UNC79: variants seen among roughly 807,000 people sequenced by gnomAD.
The protein encoded by UNC79 is protein unc-79 homolog.
In UNC79, 37 loss-of-function variants were observed where a neutral mutation model predicts 283.1. That is an observed-to-expected ratio of 0.13 (90% CI 0.10 to 0.17). The LOEUF (loss-of-function observed/expected upper bound fraction) is 0.17, where lower values mean the gene tolerates loss of function less well. Among genes scored for constraint, UNC79 ranks in the 10% least tolerant of loss-of-function variants. UNC79 has a pLI of 1.00. For synonymous variants in UNC79, 1,107 were observed against 1,200.2 expected (o/e 0.92, Z 1.61); for missense variants, 2,272 against 3,211.1 (o/e 0.71, Z 7.07).
chr14:93,629,427 A>G (rs767993153), intron 30 of UNC79, among the ~76,000 whole-genome samples: 28 of 152,210 alleles, frequency 1.8e-4, no homozygotes, highest in Non-Finnish European at 1.9e-4. Context: ...GAGAAAAATC[A>G]TAGCTGACCT....
Position 93,571,859 on chromosome 14 carries a change from A to G in UNC79, c.1756-35A>G. 3 of 1,612,264 alleles carry G rather than the reference A, an allele frequency of 1.9e-6. No individual in the cohort carries two copies. The South Asian group carries it at 3.3e-5, about 18-fold the overall frequency. On this transcript the variant is annotated intron_variant, in intron 14 of 48. Transcript: ENST00000555664. The stretch of plus-strand genomic sequence containing the variant: ...AGTATAATTGTAACCAGTGTGTTTC[A>G]TTCTTTTCCCCTGTGGCTATGGAAA...
chr14:93,344,184 A>G (rs534897108), intron 1 of UNC79, among the ~76,000 whole-genome samples: 2 of 152,282 alleles, frequency 1.3e-5, no homozygotes, highest in Non-Finnish European at 2.9e-5. Flanking sequence ...TTAGGATTAA[A>G]CCAGTCAAGC....
intron 38 of UNC79, among the ~76,000 whole-genome samples, 172 bp downstream of exon 41, chr14:93,655,579 AT>A (rs2140364592): frequency 6.6e-6 from 1 of 151,072 alleles, no homozygotes; most frequent in East Asian, 2.0e-4. Context: ...CTCTTAGAGA[AT>A]GACAGGAATG....
chr14:93,498,566 G>C (rs1053728579), intron 7 of UNC79, among the ~76,000 whole-genome samples: 1 of 152,040 alleles, frequency 6.6e-6, no homozygotes, highest in African/African-American at 2.4e-5. Flanking sequence ...ATTCCAGCCC[G>C]GGTGACAGAG....
At chr14:93,697,638 G>T (rs1047469314) in intron 47 of UNC79, among the ~76,000 whole-genome samples, 7 of 152,230 alleles carry the variant, frequency 4.6e-5, no homozygotes, top group Non-Finnish European at 2.9e-5. Flanking sequence ...GGACACAGTG[G>T]CTCATGCCTG....
intron 1 of UNC79, among the ~76,000 whole-genome samples, chr14:93,417,640 C>T: frequency 6.6e-6 from 1 of 152,172 alleles, no homozygotes; most frequent in African/African-American, 2.4e-5. Context: ...TCCATTCTCC[C>T]CGTCACTTTC....
chr14:93,593,319 A>G (rs543835059), intron 22 of UNC79, among the ~76,000 whole-genome samples: 1 of 152,220 alleles, frequency 6.6e-6, no homozygotes, highest in Non-Finnish European at 1.5e-5. Flanking sequence ...CAAACTTGCC[A>G]GATGCTCACT....
intron 1 of UNC79, among the ~76,000 whole-genome samples, chr14:93,358,389 A>C (rs904774377): frequency 6.6e-6 from 1 of 152,184 alleles, no homozygotes; most frequent in African/African-American, 2.4e-5. Context: ...TGCCAGCTTC[A>C]GAAGCAGATC....
intron 41 of UNC79, among the ~76,000 whole-genome samples, chr14:93,680,857 A>C (rs1312071881): frequency 2.0e-5 from 3 of 152,206 alleles, no homozygotes; most frequent in Non-Finnish European, 2.9e-5. Flanking sequence ...GAAAACATGC[A>C]ATCTCTACCA....
intron 34 of UNC79, among the ~76,000 whole-genome samples, chr14:93,645,802 T>C (rs1220498328): frequency 2.0e-5 from 3 of 152,156 alleles, no homozygotes; most frequent in Non-Finnish European, 4.4e-5. Flanking sequence ...GTAGTGACAT[T>C]AGCATGAGAA....
At chr14:93,599,993 A>G (rs1366761423) in intron 24 of UNC79, among the ~76,000 whole-genome samples, 2 of 151,974 alleles carry the variant, frequency 1.3e-5, no homozygotes, top group African/African-American at 2.4e-5. Context: ...CGAGGTCAGG[A>G]GATCGAGACC....
chr14:93,558,021 A>T (rs541235558), intron 14 of UNC79, among the ~76,000 whole-genome samples: 1 of 152,344 alleles, frequency 6.6e-6, no homozygotes, highest in East Asian at 1.9e-4. Context: ...GCTTTCAAGG[A>T]CATAAAACAA....
chr14:93,401,621 G>C (rs1023857581), intron 1 of UNC79, among the ~76,000 whole-genome samples: 1 of 152,160 alleles, frequency 6.6e-6, no homozygotes, highest in Non-Finnish European at 1.5e-5. Flanking sequence ...CTCAAGAAAA[G>C]AGTCTGAAGA....
chr14:93,633,515 G>A (rs984350505), intron 31 of UNC79, among the ~76,000 whole-genome samples: 11 of 152,278 alleles, frequency 7.2e-5, no homozygotes, highest in African/African-American at 2.6e-4. Context: ...CCTTTCTAGG[G>A]CGTGTAGTTG....
chr14:93,357,219 A>G (rs2139929039), intron 1 of UNC79, among the ~76,000 whole-genome samples: 1 of 152,288 alleles, frequency 6.6e-6, no homozygotes, highest in East Asian at 1.9e-4. Context: ...CTTTGTTTTC[A>G]TGGCTGCATA....
At position 93,431,604 on chromosome 14, in the gene UNC79, A is replaced by C. The variant is rs147921151; in HGVS notation, c.22+553A>C. Among the ~76,000 whole-genome samples, 725 of 152,298 alleles carry C rather than the reference A, an allele frequency of 4.8e-3. 4 individuals are homozygous for C. The highest frequency in any genetic ancestry group is 0.016 in the African/African-American group (681 of 41,566). On this transcript the variant is annotated intron_variant, in intron 1 of 48. Coordinates refer to ENST00000555664, the Ensembl canonical transcript of UNC79. ...AGAGGAAAATTAACTCACTAATGCC[A>C]ACACCAATGTCAAAACCAACCACAA...
Position 93,655,222 on chromosome 14 carries a change from TTG to T in UNC79, c.6283-8_6283-7del. The T allele has an allele frequency of 1.2e-6, 2 of 1,613,244 alleles. No homozygotes were observed. Among genetic ancestry groups the T allele is most frequent in the Non-Finnish European group, 8.5e-7 (1 of 1,179,520 alleles). ...TTTCAGCAGTTGATGGCCTATGCTT[TTG>T]TGTTTTTAGGGTCTAAATAACAAAA... On this transcript the variant is annotated splice_polypyrimidine_tract_variant and intron_variant, in intron 37 of 48. Transcript: ENST00000555664.
intron 7 of UNC79, 72 bp downstream of exon 7, chr14:93,497,358 C>A: frequency 6.7e-7 from 1 of 1,492,340 alleles, no homozygotes; most frequent in Non-Finnish European, 8.9e-7. Context: ...CCTACTTATA[C>A]ATACATTTTT....
intron 1 of UNC79, among the ~76,000 whole-genome samples, chr14:93,451,530 T>G (rs74072897): frequency 0.07 from 10,691 of 152,266 alleles, 1,322 homozygotes; most frequent in African/African-American, 0.24. Flanking sequence ...TCCATTCTGT[T>G]TGGTCTCTGC....
Sources: gnomAD v4.1 joint callset for allele counts (sites outside exome capture counted in the v4.1 genomes callset) on GRCh38, gnomAD v4.1.1 for gene constraint, MANE v1.5 for transcripts, NCBI Gene and HGNC (gene_info 2026-07-23, HGNC 2026-07-21) for gene names.